GLB1: variants seen among roughly 807,000 people sequenced by gnomAD.
The protein encoded by GLB1 is beta-galactosidase.
GLB1 carries 56 observed loss-of-function variants against 74.0 expected under a neutral mutation model. The ratio of observed to expected loss-of-function variants is 0.76; its 90% CI spans 0.61 to 0.94. The LOEUF is 0.94. Among genes scored for constraint, GLB1 ranks in the 40% least tolerant of loss-of-function variants. GLB1 has a pLI of 0.00. For missense variants in GLB1, 787 were observed against 845.5 expected, an observed-to-expected ratio of 0.93 and a Z score of 0.86; for synonymous variants, 323 against 323.6, an observed-to-expected ratio of 1.00 and a Z score of 0.02.
In GLB1 at chr3:33,097,066, C is replaced by G. The variant is rs1484753571; in HGVS notation, c.20G>C (p.Arg7Pro). 1.2e-6 allele frequency: 2 copies of G among 1,612,528 alleles called. No homozygotes were observed. Among genetic ancestry groups the G allele is most frequent in the Admixed American group, 3.3e-5 (2 of 59,886 alleles). ...CAGAACCAGCAACAGAGGGAGGATG[C>G]GAACCAGGAACCCCGGCATGACCAC... MPGFLV[R>P]ILPLLLVLLL... Residue 7 changes from arginine (R) to proline (P), a missense_variant, in exon 1 of 16, where the codon CGC (arginine) becomes CCC (proline). Physicochemically the swap from Arg to Pro is moderately radical, Grantham distance 103. Transcript: ENST00000307363.
At chr3:33,029,801 G>T (rs536263448) in intron 10 of GLB1, among the ~76,000 whole-genome samples, 2 of 152,058 alleles carry the variant, frequency 1.3e-5, no homozygotes, top group East Asian at 3.9e-4. Flanking sequence ...CCTACTTGAG[G>T]GTGGTAGGTA....
the GLB1 span, among the ~76,000 whole-genome samples, chr3:32,968,742 C>A: frequency 1.3e-5 from 2 of 152,206 alleles, no homozygotes; most frequent in African/African-American, 2.4e-5. Flanking sequence ...AGCCTTGACT[C>A]AGGCCCCAGC....
chr3:33,072,854 C>T (rs1370624424), intron 1 of GLB1, 141 bp from the exon 2 acceptor site: 5 of 1,378,422 alleles, frequency 3.6e-6, no homozygotes, highest in Non-Finnish European at 5.0e-6. Context: ...TCTGAGCTAT[C>T]ATACAAACCA....
At chr3:33,091,579 T>C (rs887176945) in intron 1 of GLB1, 2 of 985,016 alleles carry the variant, frequency 2.0e-6, no homozygotes, top group African/African-American at 3.5e-5. Flanking sequence ...CGCTGTGCCA[T>C]GTGGAACTCA....
chr3:33,069,296 GT>G (rs1177174763), intron 2 of GLB1, among the ~76,000 whole-genome samples: 1 of 152,176 alleles, frequency 6.6e-6, no homozygotes, highest in Non-Finnish European at 1.5e-5. Context: ...TGAGGTGGAG[GT>G]TTGCTTAAGC....
rs1697646828 is a variant in GLB1 at position 33,024,489 on chromosome 3, G to A, written c.1069-164C>T. The A allele has an allele frequency of 4.1e-6, 3 of 727,054 alleles. No individual in the cohort carries two copies. The East Asian group carries it at 8.3e-5, about 20-fold the overall frequency. 45.0% of individuals were successfully genotyped at this position (727,054 alleles called of 1,614,324 possible). On this transcript the variant is annotated intron_variant, in intron 10 of 15. Transcript: ENST00000307363. ...GAGACTTCTTCCAAAGCAGGATCTG[G>A]TAAATTTTTTACCTCTAAGTGTATG...
chr3:33,024,864 G>T (rs1207403984), intron 10 of GLB1, among the ~76,000 whole-genome samples: 2 of 151,768 alleles, frequency 1.3e-5, no homozygotes, highest in Admixed American at 1.3e-4. Flanking sequence ...AGAGAGAGAA[G>T]AAACAAGTCT....
chr3:33,009,415 G>A (rs1261231148), intron 15 of GLB1, among the ~76,000 whole-genome samples: 1 of 151,836 alleles, frequency 6.6e-6, no homozygotes, highest in African/African-American at 2.4e-5. Context: ...CCAGCTACTC[G>A]AGAGGCTGAG....
intron 6 of GLB1, among the ~76,000 whole-genome samples, chr3:33,057,033 C>T (rs568944991): frequency 2.6e-4 from 39 of 152,292 alleles, no homozygotes; most frequent in Non-Finnish European, 5.0e-4. Flanking sequence ...CTATAATCCC[C>T]AGTGTTGGAG....
chr3:32,996,356 A>C (rs1402760434), downstream of GLB1, among the ~76,000 whole-genome samples: 2 of 152,234 alleles, frequency 1.3e-5, no homozygotes, highest in Non-Finnish European at 2.9e-5. Flanking sequence ...GAAACACACA[A>C]AACGGGATCC....
intron 5 of GLB1, 37 bp from the exon 6 acceptor site, chr3:33,058,306 T>A (rs780120929): frequency 2.5e-6 from 4 of 1,612,834 alleles, no homozygotes; most frequent in East Asian, 2.2e-5. Context: ...AATGAGGAGA[T>A]CCTAATGTAG....
At chr3:33,037,695 T>C (rs1476392521) in intron 10 of GLB1, among the ~76,000 whole-genome samples, 1 of 152,180 alleles carries the variant, frequency 6.6e-6, no homozygotes, top group Non-Finnish European at 1.5e-5. Flanking sequence ...CTTGATTTTC[T>C]TGGGAGCAAT....
At chr3:33,076,191 A>G (rs1700095396) in intron 1 of GLB1, among the ~76,000 whole-genome samples, 1 of 152,262 alleles carries the variant, frequency 6.6e-6, no homozygotes. Context: ...GGCCTGAGCC[A>G]AGGCCTAGGA....
At chr3:33,065,973 A>AG (rs1486984799) in intron 4 of GLB1, among the ~76,000 whole-genome samples, 1 of 151,630 alleles carries the variant, frequency 6.6e-6, no homozygotes, top group African/African-American at 2.4e-5. Flanking sequence ...TGTCTCAAAA[A>AG]AAAAAAAAAA....
At chr3:33,096,747 G>C in intron 1 of GLB1, 1 of 1,306,400 alleles carries the variant, frequency 7.7e-7, no homozygotes, top group Non-Finnish European at 9.7e-7. Flanking sequence ...TACAGATGGG[G>C]AAGTGGATCC....
At chr3:33,002,524 G>A (rs906200304) in intron 15 of GLB1, among the ~76,000 whole-genome samples, 9 of 151,968 alleles carry the variant, frequency 5.9e-5, no homozygotes, top group Admixed American at 2.0e-4. Context: ...TGAAACTATC[G>A]GGGGGAGGTA....
chr3:33,053,611 A>C, intron 6 of GLB1, 62 bp from the exon 7 acceptor site: 1 of 1,609,328 alleles, frequency 6.2e-7, no homozygotes, highest in East Asian at 2.2e-5. Context: ...TTAAATAACA[A>C]GAGCCCTTCA....
intron 6 of GLB1, among the ~76,000 whole-genome samples, chr3:33,056,741 G>A (rs1559403943): frequency 6.6e-6 from 1 of 151,940 alleles, no homozygotes; most frequent in Non-Finnish European, 1.5e-5. Flanking sequence ...TGAGCCACCT[G>A]AGAATAAATT....
the GLB1 span, among the ~76,000 whole-genome samples, chr3:32,968,588 C>G: frequency 2.4e-4 from 36 of 152,148 alleles, no homozygotes; most frequent in African/African-American, 8.7e-4. Context: ...AAGAGAGTTC[C>G]TAAGGGCAGC....
Sources: gnomAD v4.1 joint callset for allele counts (sites outside exome capture counted in the v4.1 genomes callset) on GRCh38, gnomAD v4.1.1 for gene constraint, MANE v1.5 for transcripts, NCBI Gene and HGNC (gene_info 2026-07-23, HGNC 2026-07-21) for gene names.